VANGL1: variants seen among roughly 807,000 people sequenced by gnomAD.
VANGL1 encodes the protein VANGL planar cell polarity protein 1.
In VANGL1, 18 loss-of-function variants were observed where a neutral mutation model predicts 48.4. The ratio of observed to expected loss-of-function variants is 0.37; its 90% confidence interval spans 0.26 to 0.55. The LOEUF is 0.55. Ranked by LOEUF, VANGL1 falls within the 20% of genes least tolerant of loss-of-function variation. VANGL1 has a pLI of 0.81. For missense variants in VANGL1, 667 were observed against 675.8 expected, an observed-to-expected ratio of 0.99 and a Z score of 0.14; for synonymous variants, 257 against 261.8, an observed-to-expected ratio of 0.98 and a Z score of 0.18.
At chr1:115,688,716 A>T (rs1311577068) in intron 7 of VANGL1, among the ~76,000 whole-genome samples, 2 of 136,264 alleles carry the variant, frequency 1.5e-5, no homozygotes, top group African/African-American at 5.5e-5. Context: ...GGAGCATTGG[A>T]TGTTATTTTT....
At chr1:115,682,280 C>T in intron 4 of VANGL1, 84 bp from the exon 5 acceptor site, 2 of 1,564,594 alleles carry the variant, frequency 1.3e-6, no homozygotes, top group Non-Finnish European at 1.7e-6. Flanking sequence ...TGTTCCTTTA[C>T]CTGACTCCAA....
At chr1:115,672,440 G>A (rs967550963) in intron 4 of VANGL1, among the ~76,000 whole-genome samples, 5 of 152,246 alleles carry the variant, frequency 3.3e-5, no homozygotes, top group South Asian at 2.1e-4. Flanking sequence ...CAGGTGGCCC[G>A]AGGAAGAGCC....
rs1368922717 is a variant in VANGL1, at chr1:115,692,522, G to C, written c.*1143G>C. 1 of 152,572 alleles carries C rather than the reference G, an allele frequency of 6.6e-6. No homozygotes were observed. Among genetic ancestry groups the C allele is most frequent in the African/African-American group, 2.4e-5 (1 of 41,390 alleles). The allele number at this position is 152,572 out of a possible 1,614,324, so 9.5% of individuals were successfully genotyped here. On this transcript the variant is annotated 3_prime_UTR_variant, in exon 8 of 8. Coordinates refer to ENST00000355485, the MANE Select transcript of VANGL1 (RefSeq NM_138959.3). The stretch of plus-strand genomic sequence containing the variant: ...TCTGCCACTTAGGACCAGGAAAGAG[G>C]CTGGTTTTGCTCCCACTCTTAGTTG...
rs1429714672 is a variant in VANGL1, at chr1:115,698,089, C to A, written c.*6710C>A. 6.6e-6 allele frequency: 1 copy of A among 152,140 alleles called. No homozygotes were observed. Among genetic ancestry groups the A allele is most frequent in the African/African-American group, 2.4e-5 (1 of 41,410 alleles). The allele number at this position is 152,140 out of a possible 1,614,324, so 9.4% of individuals were successfully genotyped here. A position where few individuals can be genotyped will look rare whatever the true frequency, so the allele number is the denominator to read the frequency against. ...TTAGTGTCTCTGATGGAATAGTGTA[C>A]CTGTCACCCAAGTTATTTTGTTCCT... On this transcript the variant is annotated 3_prime_UTR_variant, in exon 8 of 8. Transcript: ENST00000355485.
chr1:115,643,935 G>C (rs1420126691), intron 1 of VANGL1, among the ~76,000 whole-genome samples: 2 of 152,114 alleles, frequency 1.3e-5, no homozygotes, highest in East Asian at 3.8e-4. Context: ...GTTTTAATTG[G>C]AGGTCTCCAC....
At chr1:115,645,032 T>C (rs10923123) in intron 1 of VANGL1, among the ~76,000 whole-genome samples, 17,777 of 152,242 alleles carry the variant, frequency 0.12, 1,326 homozygotes, top group South Asian at 0.33. Flanking sequence ...CTGCATGATG[T>C]TTGGTGGTTT....
chr1:115,675,238 A>G (rs1362349922), intron 4 of VANGL1, among the ~76,000 whole-genome samples: 4 of 152,312 alleles, frequency 2.6e-5, no homozygotes, highest in Middle Eastern at 3.4e-3. Flanking sequence ...GCAATGGCTC[A>G]CACCTGTAAT....
rs532375136 is a variant in VANGL1 at position 115,672,337 on chromosome 1, C to T, written c.812+8069C>T. 4.6e-5 allele frequency among the ~76,000 whole-genome samples: 7 copies of T among 152,274 alleles called. No homozygotes were observed. In the East Asian group the frequency reaches 7.7e-4, roughly 17 times the overall value. On this transcript the variant is annotated intron_variant, in intron 4 of 7. Coordinates refer to ENST00000355485, the MANE Select transcript of VANGL1 (RefSeq NM_138959.3). ...TGAATTTCAAACCAAAAGCCAGGTACGCTTTCCAGCCTTCCGATATTGGTT... is the reference window on the plus strand; with the variant it reads ...TGAATTTCAAACCAAAAGCCAGGTATGCTTTCCAGCCTTCCGATATTGGTT...
chr1:115,676,718 A>G (rs1398835154), intron 4 of VANGL1, among the ~76,000 whole-genome samples: 1 of 152,216 alleles, frequency 6.6e-6, no homozygotes, highest in African/African-American at 2.4e-5. Flanking sequence ...ATTTAAGCTC[A>G]TGAGACTTAA....
intron 1 of VANGL1, among the ~76,000 whole-genome samples, chr1:115,650,898 G>A (rs1019605864): frequency 2.7e-5 from 4 of 150,748 alleles, no homozygotes; most frequent in Admixed American, 6.6e-5. Context: ...AAGCAACTTC[G>A]CTGGGTATTG....
At position 115,663,710 on chromosome 1, in the gene VANGL1, A is replaced by G; in HGVS notation, c.254A>G (p.His85Arg). 1.2e-6 allele frequency: 2 copies of G among 1,614,212 alleles called. No individual in the cohort carries two copies. Among genetic ancestry groups the G allele is most frequent in the South Asian group, 2.2e-5 (2 of 91,082 alleles). The part of the protein sequence containing the change: ...TTTAITGTSE[H>R]SISQEDIARI... ...ACGGCCATCACAGGCACCTCGGAGC[A>G]CAGCATATCCCAAGAGGACATTGCC... The change falls in exon 4 of 8, where the codon CAC becomes CGC. Residue 85 changes from histidine (H) to arginine (R), a missense_variant. Physicochemically the swap from His to Arg is conservative, Grantham distance 29. Transcript: ENST00000355485.
In VANGL1 at chr1:115,695,371, G is replaced by A. The variant is rs555608031; in HGVS notation, c.*3992G>A. 156 of 152,594 alleles carry A rather than the reference G, an allele frequency of 1.0e-3. No individual in the cohort carries two copies. Among genetic ancestry groups the A allele is most frequent in the African/African-American group, 3.5e-3 (144 of 41,502 alleles). The allele number at this position is 152,594 out of a possible 1,614,324, so 9.5% of individuals were successfully genotyped here. On this transcript the variant is annotated 3_prime_UTR_variant, in exon 8 of 8. Coordinates refer to ENST00000355485, the MANE Select transcript of VANGL1 (RefSeq NM_138959.3). ...TTTCTGGGTAGTGTTTGTGATTTACGGATTTGTTACTGAAAAACAAAAAAA... is the reference window on the plus strand; with the variant it reads ...TTTCTGGGTAGTGTTTGTGATTTACAGATTTGTTACTGAAAAACAAAAAAA...
chr1:115,658,786 C>A (rs955356521), intron 2 of VANGL1, among the ~76,000 whole-genome samples: 1 of 152,136 alleles, frequency 6.6e-6, no homozygotes, highest in Non-Finnish European at 1.5e-5. Flanking sequence ...CAGGTTGTGA[C>A]CTTGGCTTGG....
At position 115,671,895 on chromosome 1, in the gene VANGL1, C is replaced by T. The variant is rs142260690; in HGVS notation, c.812+7627C>T. 9.5e-3 allele frequency among the ~76,000 whole-genome samples: 1,448 copies of T among 152,360 alleles called. 9 individuals are homozygous for T. The highest frequency in any genetic ancestry group is 0.016 in the Non-Finnish European group (1,118 of 68,030). ...GCCAGAGGGCTTCATCCATAACTGG[C>T]TCAGCTCCTCAGGAGGAGACCAGCA... On this transcript the variant is annotated intron_variant, in intron 4 of 7. Transcript: ENST00000355485.
chr1:115,670,470 G>C (rs1652937683), intron 4 of VANGL1, among the ~76,000 whole-genome samples: 1 of 152,168 alleles, frequency 6.6e-6, no homozygotes, highest in Non-Finnish European at 1.5e-5. Context: ...AGTTTTAAGT[G>C]ACAAAGGGAG....
chr1:115,665,995 CAGG>C (rs1318792941), intron 4 of VANGL1, among the ~76,000 whole-genome samples: 1 of 152,164 alleles, frequency 6.6e-6, no homozygotes, highest in Non-Finnish European at 1.5e-5. Flanking sequence ...GATAGGAACA[CAGG>C]AGGACAGAGA....
In VANGL1 at chr1:115,684,066, C is replaced by T. The variant is rs745337729; in HGVS notation, c.1069C>T (p.Arg357Trp). 25 of 1,613,382 alleles carry T rather than the reference C, an allele frequency of 1.5e-5. No homozygotes were observed. The highest frequency in any genetic ancestry group is 2.2e-5 in the East Asian group (1 of 44,862). Residue 357 changes from arginine (R) to tryptophan (W), a missense_variant, in exon 6 of 8, where the codon CGG becomes TGG. Transcript: ENST00000355485. ...CGAACATGAACGGCGAGTAAAGAAG[C>T]GGAAAGCAAGGTATACTGCCCTCCT... ...EAEHERRVKK[R>W]KARLVVAVEE...
chr1:115,680,057 G>C (rs1653327994), intron 4 of VANGL1, among the ~76,000 whole-genome samples: 1 of 150,258 alleles, frequency 6.7e-6, no homozygotes, highest in Admixed American at 6.6e-5. Context: ...TCAGGGAGAG[G>C]GTTGCAATGA....
rs777800005 is a variant in VANGL1 at position 115,682,473 on chromosome 1, G to T, written c.922G>T (p.Gly308Trp). ...SKFRAAKHMA[G>W]LKVYNVDGPS... ...ATTCCGAGCAGCCAAGCATATGGCCGGGCTGAAAGTCTACAATGTAGATGG... is the reference window on the plus strand; with the variant it reads ...ATTCCGAGCAGCCAAGCATATGGCCTGGCTGAAAGTCTACAATGTAGATGG... The change falls in exon 5 of 8, where the codon GGG becomes TGG. Residue 308 changes from glycine (G) to tryptophan (W), a missense_variant. Transcript: ENST00000355485. The T allele has an allele frequency of 6.2e-7, 1 of 1,613,990 alleles. No homozygotes were observed. The highest frequency in any genetic ancestry group is 8.5e-7 in the Non-Finnish European group (1 of 1,180,030).
Sources: gnomAD v4.1 joint callset for allele counts (sites outside exome capture counted in the v4.1 genomes callset) on GRCh38, gnomAD v4.1.1 for gene constraint, MANE v1.5 for transcripts, NCBI Gene and HGNC (gene_info 2026-07-23, HGNC 2026-07-21) for gene names.